PGBD5: variants seen among roughly 807,000 people sequenced by gnomAD.
PGBD5 encodes the protein piggyBac transposable element derived 5, also known as piggyBac transposable element-derived protein 5.
Under a neutral mutation model 47.9 loss-of-function variants are expected in PGBD5, and 14 were observed. The observed-to-expected ratio is 0.29, with a 90% confidence interval of 0.19 to 0.46. PGBD5 has a LOEUF of 0.46. PGBD5 is among the 20% of genes least tolerant of loss of function. The pLI is 1.00. For missense variants in PGBD5, 635 were observed against 716.0 expected (o/e 0.89, Z 1.29); for synonymous variants, 316 against 306.3 (o/e 1.03, Z -0.33).
chr1:230,342,328 G>C (rs1252418266), intron 3 of PGBD5, among the ~76,000 whole-genome samples: 1 of 152,200 alleles, frequency 6.6e-6, no homozygotes, highest in Non-Finnish European at 1.5e-5. Flanking sequence ...GCACAGAAGA[G>C]AATCAATTTT....
intron 1 of PGBD5, among the ~76,000 whole-genome samples, chr1:230,408,963 G>A (rs1352778701): frequency 6.6e-6 from 1 of 152,126 alleles, no homozygotes; most frequent in Non-Finnish European, 1.5e-5. Context: ...TATCTGATAA[G>A]ACTATATAAG....
intron 1 of PGBD5, among the ~76,000 whole-genome samples, chr1:230,361,420 G>A (rs1667740330): frequency 6.6e-6 from 1 of 152,074 alleles, no homozygotes; most frequent in South Asian, 2.1e-4. Flanking sequence ...ATGGTGCATT[G>A]CCAGACAAAA....
At chr1:230,423,609 C>G (rs139367672) in intron 1 of PGBD5, among the ~76,000 whole-genome samples, 2 of 152,282 alleles carry the variant, frequency 1.3e-5, no homozygotes, top group African/African-American at 4.8e-5. Flanking sequence ...TTTGGAGAAA[C>G]TGAATTCAAG....
At chr1:230,394,904 GCTC>G (rs1356212522) in intron 1 of PGBD5, among the ~76,000 whole-genome samples, 1 of 102,382 alleles carries the variant, frequency 9.8e-6, no homozygotes, top group African/African-American at 3.9e-5. Flanking sequence ...CCATCCTCGA[GCTC>G]CTCTCTCACT....
chr1:230,335,826 GACATACACAT>G (rs1667312185), intron 4 of PGBD5, among the ~76,000 whole-genome samples: 60 of 97,834 alleles, frequency 6.1e-4, no homozygotes, highest in East Asian at 2.4e-3. Flanking sequence ...CACTGACACA[GACATACACAT>G]ACACACACAG....
At chr1:230,334,522 G>T (rs1195397126) in intron 4 of PGBD5, among the ~76,000 whole-genome samples, 2 of 152,188 alleles carry the variant, frequency 1.3e-5, no homozygotes, top group Non-Finnish European at 2.9e-5. Flanking sequence ...TTTGACAATG[G>T]TCTGTGTGGC....
intron 1 of PGBD5, among the ~76,000 whole-genome samples, chr1:230,389,599 G>A (rs1656738214): frequency 6.6e-6 from 1 of 151,610 alleles, no homozygotes; most frequent in Non-Finnish European, 1.5e-5. Flanking sequence ...ATGTCTGCAG[G>A]AGAGAAGCAG....
chr1:230,362,433 C>T (rs1253061012), intron 1 of PGBD5: 13 of 1,293,484 alleles, frequency 1.0e-5, no homozygotes, highest in African/African-American at 1.5e-5. Context: ...AGACCTGGAC[C>T]GTGGCAAGCT....
At chr1:230,394,515 C>T (rs1656875066) in intron 1 of PGBD5, among the ~76,000 whole-genome samples, 1 of 142,968 alleles carries the variant, frequency 7.0e-6, no homozygotes, top group African/African-American at 2.6e-5. Context: ...CATCCCCAAG[C>T]TCCTTTCACT....
Position 230,314,548 on chromosome 1 carries a change from TAAG to T in PGBD5, c.*8874_*8876del, listed in dbSNP as rs990101342. ...CTGTAAACAAACTTGGTTGAAGAAA[TAAG>T]AACCACATGACAAAATGCTTGAATT... is the stretch of plus-strand genomic sequence containing the variant. On this transcript the variant is annotated 3_prime_UTR_variant, in exon 7 of 7. Transcript: ENST00000391860. 3 of 141,128 alleles carry T rather than the reference TAAG, an allele frequency of 2.1e-5. No homozygotes were observed. Among genetic ancestry groups the T allele is most frequent in the African/African-American group, 7.7e-5 (3 of 38,944 alleles). 8.7% of individuals were successfully genotyped at this position (141,128 alleles called of 1,614,324 possible).
intron 2 of PGBD5, among the ~76,000 whole-genome samples, chr1:230,352,978 C>A (rs1314088228): frequency 6.6e-6 from 1 of 152,190 alleles, no homozygotes; most frequent in Non-Finnish European, 1.5e-5. Flanking sequence ...CACCTCTATT[C>A]CACTTGCATT....
At chr1:230,384,159 A>G (rs963530073) in intron 1 of PGBD5, among the ~76,000 whole-genome samples, 27 of 152,324 alleles carry the variant, frequency 1.8e-4, no homozygotes, top group South Asian at 6.2e-4. Flanking sequence ...TGGATGCTAT[A>G]TATTTCAACC....
At chr1:230,400,873 A>G (rs1233529707) in intron 1 of PGBD5, among the ~76,000 whole-genome samples, 2 of 152,232 alleles carry the variant, frequency 1.3e-5, no homozygotes, top group African/African-American at 4.8e-5. Context: ...GCACAATTCA[A>G]TGTTCACAAC....
At chr1:230,408,818 A>G (rs1174485877) in intron 1 of PGBD5, among the ~76,000 whole-genome samples, 2 of 152,196 alleles carry the variant, frequency 1.3e-5, no homozygotes, top group African/African-American at 4.8e-5. Context: ...CTTAGCTAGG[A>G]CACCAAAAAC....
chr1:230,372,057 T>C (rs1667937248), intron 1 of PGBD5, among the ~76,000 whole-genome samples: 1 of 152,104 alleles, frequency 6.6e-6, no homozygotes, highest in Non-Finnish European at 1.5e-5. Context: ...AGCGTTCCAA[T>C]ACAGTGCAAG....
intron 1 of PGBD5, among the ~76,000 whole-genome samples, chr1:230,386,170 T>C (rs1015386303): frequency 4.6e-5 from 7 of 151,824 alleles, no homozygotes; most frequent in Non-Finnish European, 1.0e-4. Flanking sequence ...CTACAAAAAA[T>C]TTGGCAGGTG....
intron 1 of PGBD5, among the ~76,000 whole-genome samples, chr1:230,372,178 A>G (rs531422044): frequency 1.3e-5 from 2 of 152,358 alleles, no homozygotes; most frequent in Non-Finnish European, 2.9e-5. Context: ...GAAGGTGTTT[A>G]TGATTGAAGA....
At chr1:230,372,059 C>T (rs1667937335) in intron 1 of PGBD5, among the ~76,000 whole-genome samples, 1 of 152,172 alleles carries the variant, frequency 6.6e-6, no homozygotes, top group Non-Finnish European at 1.5e-5. Flanking sequence ...CGTTCCAATA[C>T]AGTGCAAGTG....
Position 230,318,543 on chromosome 1 carries a change from A to C in PGBD5, c.*4882T>G, listed in dbSNP as rs2102806403. The C allele has an allele frequency of 6.6e-6, 1 of 152,368 alleles. No individual in the cohort carries two copies. The highest frequency in any genetic ancestry group is 1.5e-5 in the Non-Finnish European group (1 of 68,070). 9.4% of individuals were successfully genotyped at this position (152,368 alleles called of 1,614,324 possible). A position where few individuals can be genotyped will look rare whatever the true frequency, so the allele number is the denominator to read the frequency against. On this transcript the variant is annotated 3_prime_UTR_variant, in exon 7 of 7. Transcript: ENST00000391860. ...CACTTTCCCTGGCCACTACCTTGTG[A>C]ACTTCTGGGGACTTCTTTCGTTTGG...
Sources: allele counts gnomAD v4.1 joint callset (sites outside exome capture counted in the v4.1 genomes callset), GRCh38; gene constraint gnomAD v4.1.1; transcripts MANE v1.5; gene names NCBI Gene and HGNC (gene_info 2026-07-23, HGNC 2026-07-21).